The following MICU1 variants were observed in gnomAD, a reference collection of about 807,000 sequenced individuals.
MICU1 encodes the protein mitochondrial calcium uptake 1, also known as calcium uptake protein 1, mitochondrial.
In MICU1, 45 loss-of-function variants were observed where a neutral mutation model predicts 56.8. The observed-to-expected ratio is 0.79, with a 90% CI of 0.62 to 1.02. The LOEUF (loss-of-function observed/expected upper bound fraction) is 1.02, where lower values mean the gene tolerates loss of function less well. Ranked by LOEUF, MICU1 falls within the 50% of genes least tolerant of loss-of-function variation. The probability of loss-of-function intolerance (pLI) is 0.00; values close to 1 mark genes in which losing one functional copy is unlikely to be tolerated. For missense variants in MICU1, 504 were observed against 587.1 expected, an observed-to-expected ratio of 0.86 and a Z score of 1.46; for synonymous variants, 186 against 195.1, an observed-to-expected ratio of 0.95 and a Z score of 0.39.
At chr10:72,376,789 T>C (rs563110122) in intron 10 of MICU1, among the ~76,000 whole-genome samples, 1 of 152,214 alleles carries the variant, frequency 6.6e-6, no homozygotes, top group South Asian at 2.1e-4. Flanking sequence ...GTGATGATGG[T>C]TGTACAACAT....
intron 10 of MICU1, among the ~76,000 whole-genome samples, chr10:72,380,839 A>C (rs1311423034): frequency 3.3e-5 from 5 of 152,186 alleles, no homozygotes; most frequent in Non-Finnish European, 7.3e-5. Flanking sequence ...GGTTTAGATT[A>C]AAGAAAAGTC....
At chr10:72,581,623 CAATT>C (rs1236046032) in intron 1 of MICU1, among the ~76,000 whole-genome samples, 5 of 152,050 alleles carry the variant, frequency 3.3e-5, no homozygotes, top group African/African-American at 1.2e-4. Context: ...GCAAGACTGT[CAATT>C]AATGCATTTG....
intron 1 of MICU1, among the ~76,000 whole-genome samples, chr10:72,576,222 C>CA (rs1840739313): frequency 1.2e-4 from 4 of 33,278 alleles, no homozygotes; most frequent in African/African-American, 2.0e-4. Context: ...CTCAAAAAAA[C>CA]ACCAAAAAAA....
chr10:72,427,467 G>T (rs1864380882), intron 8 of MICU1, among the ~76,000 whole-genome samples: 1 of 152,152 alleles, frequency 6.6e-6, no homozygotes, highest in Admixed American at 6.5e-5. Flanking sequence ...CTGCAAGTGG[G>T]TCTTCATTTG....
At chr10:72,460,761 AT>A (rs201991719) in intron 8 of MICU1, among the ~76,000 whole-genome samples, 1 of 151,218 alleles carries the variant, frequency 6.6e-6, no homozygotes, top group Non-Finnish European at 1.5e-5. Flanking sequence ...GGCCAGATCT[AT>A]TTTTTTTTAA....
At chr10:72,545,781 C>T (rs2132433064) in intron 4 of MICU1, among the ~76,000 whole-genome samples, 1 of 152,276 alleles carries the variant, frequency 6.6e-6, no homozygotes, top group South Asian at 2.1e-4. Context: ...AAATTTCCCC[C>T]AGAAGAGACA....
chr10:72,504,224 C>G (rs1321479604), intron 6 of MICU1, among the ~76,000 whole-genome samples: 1 of 152,030 alleles, frequency 6.6e-6, no homozygotes, highest in African/African-American at 2.4e-5. Context: ...ACATTACAAA[C>G]TATACTATAA....
rs118114244 is a variant in MICU1, at chr10:72,422,458, A to C, written c.1071+776T>G. On this transcript the variant is annotated intron_variant, in intron 9 of 11. Coordinates refer to ENST00000361114, the MANE Select transcript of MICU1 (RefSeq NM_001195518.2). Reference sequence around the variant, plus strand: ...TTGGAATTTGCCTATGTGATTTCCCACTTTCCAGAGCCTCCTCTTCCACCT... The same window carrying C: ...TTGGAATTTGCCTATGTGATTTCCCCCTTTCCAGAGCCTCCTCTTCCACCT... Among the ~76,000 whole-genome samples the C allele has an allele frequency of 5.3e-5, 8 of 152,240 alleles. No homozygotes were observed. The East Asian group carries it at 1.5e-3, about 29-fold the overall frequency.
chr10:72,509,309 A>T, intron 5 of MICU1: 1 of 1,080,266 alleles, frequency 9.3e-7, no homozygotes. Context: ...GCAGCATTGC[A>T]GGCATAACTT....
chr10:72,511,847 C>G (rs1867461125), intron 5 of MICU1, among the ~76,000 whole-genome samples: 1 of 152,180 alleles, frequency 6.6e-6, no homozygotes, highest in Non-Finnish European at 1.5e-5. Context: ...TCTGCCCCAG[C>G]TCTCAGAGAG....
intron 4 of MICU1, among the ~76,000 whole-genome samples, chr10:72,549,983 TAC>T (rs1839994429): frequency 6.7e-6 from 1 of 149,270 alleles, no homozygotes; most frequent in Non-Finnish European, 1.5e-5. Flanking sequence ...CTATACCATA[TAC>T]AGTCATGTGC....
intron 6 of MICU1, among the ~76,000 whole-genome samples, chr10:72,478,637 T>C (rs1454933705): frequency 2.0e-5 from 3 of 152,226 alleles, no homozygotes; most frequent in African/African-American, 7.2e-5. Context: ...CATATTCCCA[T>C]CCTGCTCATG....
At chr10:72,546,973 G>C (rs1424304748) in intron 4 of MICU1, among the ~76,000 whole-genome samples, 4 of 150,804 alleles carry the variant, frequency 2.7e-5, no homozygotes, top group Non-Finnish European at 5.9e-5. Flanking sequence ...CTCACTGCAA[G>C]CTCCACCTCC....
chr10:72,432,004 T>C (rs1324500655), intron 8 of MICU1, among the ~76,000 whole-genome samples: 1 of 152,150 alleles, frequency 6.6e-6, no homozygotes, highest in East Asian at 1.9e-4. Flanking sequence ...ATTTTTTATG[T>C]TGTCTATTTT....
intron 10 of MICU1, among the ~76,000 whole-genome samples, chr10:72,382,195 C>G (rs577818614): frequency 6.6e-6 from 1 of 151,476 alleles, no homozygotes; most frequent in Non-Finnish European, 1.5e-5. Flanking sequence ...ATTGCAACCT[C>G]GCCTCCCGGG....
chr10:72,596,030 G>A (rs1015632547), intron 1 of MICU1, among the ~76,000 whole-genome samples: 1 of 149,224 alleles, frequency 6.7e-6, no homozygotes, highest in Non-Finnish European at 1.5e-5. Context: ...CTGCTGCCCA[G>A]GCCGGAGTGC....
chr10:72,383,795 G>A (rs777448400), intron 10 of MICU1, among the ~76,000 whole-genome samples: 2 of 151,928 alleles, frequency 1.3e-5, no homozygotes, highest in Non-Finnish European at 2.9e-5. Context: ...CTTTACAAGT[G>A]TCTTTTTTGT....
chr10:72,455,914 A>C (rs567186786), intron 8 of MICU1, among the ~76,000 whole-genome samples: 10 of 152,270 alleles, frequency 6.6e-5, no homozygotes, highest in Admixed American at 1.3e-4. Context: ...GAAAACAGCA[A>C]GTATTGGATA....
chr10:72,603,111 G>C (rs773542778), intron 1 of MICU1, among the ~76,000 whole-genome samples: 13 of 152,076 alleles, frequency 8.5e-5, no homozygotes, highest in Non-Finnish European at 1.9e-4. Context: ...TCCCGGCTGG[G>C]AACAGTGGCT....
Sources: gnomAD v4.1 joint callset for allele counts (sites outside exome capture counted in the v4.1 genomes callset) on GRCh38, gnomAD v4.1.1 for gene constraint, MANE v1.5 for transcripts, NCBI Gene and HGNC (gene_info 2026-07-23, HGNC 2026-07-21) for gene names.